Variants in ACSF2 observed in about 807,000 individuals in gnomAD.
The protein encoded by ACSF2 is medium-chain acyl-CoA ligase ACSF2, mitochondrial.
In ACSF2, 52 loss-of-function variants were observed where a neutral mutation model predicts 79.3. The ratio of observed to expected loss-of-function variants is 0.66; its 90% CI spans 0.53 to 0.83. The LOEUF (loss-of-function observed/expected upper bound fraction) is 0.83, where lower values mean the gene tolerates loss of function less well. ACSF2 is among the 40% of genes least tolerant of loss of function. The pLI, the probability that ACSF2 is intolerant of heterozygous loss-of-function variation, is 0.00. For missense variants in ACSF2, 661 were observed against 803.3 expected (o/e 0.82, Z 2.14); for synonymous variants, 283 against 312.6 (o/e 0.91, Z 1.00).
intron 1 of ACSF2, among the ~76,000 whole-genome samples, chr17:50,447,520 C>T (rs2031380371): frequency 6.6e-6 from 1 of 151,426 alleles, no homozygotes; most frequent in Admixed American, 6.6e-5. Flanking sequence ...CCAGCCTGGG[C>T]CACAGAGTGA....
intron 1 of ACSF2, chr17:50,460,324 C>T: frequency 2.1e-6 from 1 of 472,204 alleles, no homozygotes; most frequent in Non-Finnish European, 4.2e-6. Flanking sequence ...GTTTATTCTC[C>T]AGGAGGCAGG....
At chr17:50,442,836 A>G (rs2031030660) in intron 1 of ACSF2, among the ~76,000 whole-genome samples, 1 of 151,828 alleles carries the variant, frequency 6.6e-6, no homozygotes, top group African/African-American at 2.4e-5. Flanking sequence ...TCTCTTACTC[A>G]TAGGAATAAT....
At chr17:50,465,670 A>G in intron 10 of ACSF2, 1 of 1,610,548 alleles carries the variant, frequency 6.2e-7, no homozygotes, top group African/African-American at 1.3e-5. Flanking sequence ...CTATCACATG[A>G]GGGTGGGCTC....
intron 1 of ACSF2, among the ~76,000 whole-genome samples, chr17:50,445,278 T>C (rs1213655365): frequency 1.3e-5 from 2 of 152,130 alleles, no homozygotes; most frequent in Non-Finnish European, 2.9e-5. Context: ...CTTTTTCATC[T>C]CAGTGTTCTC....
intron 10 of ACSF2, chr17:50,470,240 C>T (rs545740774): frequency 1.3e-5 from 2 of 152,390 alleles, no homozygotes; most frequent in African/African-American, 4.8e-5. Context: ...GGCCTGGTTT[C>T]CAGGGCCTGC....
chr17:50,473,782 A>T lies in ACSF2; in HGVS notation c.1593A>T (p.Thr531=), dbSNP rs1466844089. 1.2e-6 allele frequency: 2 copies of T among 1,614,202 alleles called. No individual in the cohort carries two copies. The highest frequency in any genetic ancestry group is 1.1e-5 in the South Asian group (1 of 91,084). ...YPAELEDFFH[T]HPKVQEVQVV... is the part of the protein sequence containing the mutation. ...CAGAGCTCGAGGACTTCTTTCACAC[A>T]CACCCGAAGGTGCAGGAAGTGCAGG... Residue 531 remains threonine (T), a synonymous_variant, in exon 13 of 16, where the codon ACA becomes ACT. Transcript: ENST00000300441.
chr17:50,458,614 T>C (rs1316711689), intron 1 of ACSF2, among the ~76,000 whole-genome samples: 1 of 152,224 alleles, frequency 6.6e-6, no homozygotes, highest in Admixed American at 6.5e-5. Context: ...TTGACTGCAC[T>C]CCTGTCTTTC....
chr17:50,427,070 C>A, intron 1 of ACSF2: 2 of 1,357,676 alleles, frequency 1.5e-6, no homozygotes, highest in South Asian at 1.3e-5. Context: ...AGAGAGCAGG[C>A]TGCCACTCAT....
Position 50,471,347 on chromosome 17 carries a change from G to C in ACSF2, c.1323+212G>C, listed in dbSNP as rs548703778. 1 of 548,264 alleles carries C rather than the reference G, an allele frequency of 1.8e-6. No individual in the cohort carries two copies. Among genetic ancestry groups the C allele is most frequent in the African/African-American group, 1.9e-5 (1 of 52,716 alleles). 34.0% of individuals were successfully genotyped at this position (548,264 alleles called of 1,614,324 possible). A position where few individuals can be genotyped will look rare whatever the true frequency, so the allele number is the denominator to read the frequency against. On this transcript the variant is annotated intron_variant, in intron 11 of 15. Transcript: ENST00000300441. The surrounding 1 kb of genome is among the most constrained non-coding windows in gnomAD (Gnocchi z 4.1). Reference sequence around the variant, plus strand: ...AAGAGCTGGAACAGTGGCTGTGAGCGGCTGCCAGCTGAACTTCTCCGCGGC... The same window carrying C: ...AAGAGCTGGAACAGTGGCTGTGAGCCGCTGCCAGCTGAACTTCTCCGCGGC...
chr17:50,458,211 G>C (rs1162266766), intron 1 of ACSF2, among the ~76,000 whole-genome samples: 1 of 152,042 alleles, frequency 6.6e-6, no homozygotes, highest in African/African-American at 2.4e-5. Flanking sequence ...AAATGATGTG[G>C]GTCCACTTGG....
intron 1 of ACSF2, among the ~76,000 whole-genome samples, chr17:50,438,609 C>T (rs933011257): frequency 6.6e-5 from 10 of 152,020 alleles, no homozygotes; most frequent in Non-Finnish European, 1.2e-4. Context: ...CTCTGTCACC[C>T]AGGCTGGAGT....
intron 1 of ACSF2, among the ~76,000 whole-genome samples, chr17:50,457,977 A>C (rs138531453): frequency 9.8e-5 from 15 of 152,312 alleles, no homozygotes; most frequent in Middle Eastern, 6.8e-3. Context: ...GAAGCTCTGC[A>C]ATGAGTAGGC....
intron 1 of ACSF2, among the ~76,000 whole-genome samples, chr17:50,442,350 G>T (rs62062128): frequency 0.15 from 20,338 of 139,440 alleles, 2,427 homozygotes; most frequent in East Asian, 0.7. Flanking sequence ...TTTTTGTAGA[G>T]ACTGGGTCTG....
rs111276495 is a variant in ACSF2 at position 50,470,681 on chromosome 17, G to A, written c.1216-347G>A. 3.8e-3 allele frequency among the ~76,000 whole-genome samples: 573 copies of A among 152,184 alleles called. 2 individuals carry two copies. Among genetic ancestry groups the A allele is most frequent in the South Asian group, 7.3e-3 (35 of 4,806 alleles). ...AGGAAGGTGGGGTTAAGGCAGCCAG[G>A]GGATGGGGGGAGAAGTGTGGGGTGT... On this transcript the variant is annotated intron_variant, in intron 10 of 15. Transcript: ENST00000300441.
At chr17:50,467,906 A>T in intron 10 of ACSF2, 1 of 843,076 alleles carries the variant, frequency 1.2e-6, no homozygotes, top group South Asian at 1.9e-5. Context: ...GAGGTGGCAG[A>T]GCTGCTCACC....
In ACSF2 at chr17:50,471,053, G is replaced by C; in HGVS notation, c.1241G>C (p.Ser414Thr). ...LVVAYGTTEN[S>T]PVTFAHFPED... ...GTTGCTTATGGAACCACAGAGAACA[G>C]TCCCGTGACATTCGCGCACTTCCCT... The change falls in exon 11 of 16, where the codon AGT becomes ACT. Residue 414 changes from serine to threonine, a missense_variant. Transcript: ENST00000300441. This position sits in a 1 kb window ranked among gnomAD's most constrained non-coding sequence, Gnocchi z 4.1. 6.2e-7 allele frequency: 1 copy of C among 1,614,090 alleles called. No individual in the cohort carries two copies. Among genetic ancestry groups the C allele is most frequent in the Non-Finnish European group, 8.5e-7 (1 of 1,180,012 alleles).
At chr17:50,459,229 G>A (rs570509333) in intron 1 of ACSF2, among the ~76,000 whole-genome samples, 54 of 152,210 alleles carry the variant, frequency 3.5e-4, no homozygotes, top group Non-Finnish European at 5.7e-4. Context: ...AACTTGCCAG[G>A]TCCCACTGGG....
At position 50,463,880 on chromosome 17, in the gene ACSF2, C is replaced by T. The variant is rs1400532823; in HGVS notation, c.1109C>T (p.Ser370Phe). The T allele has an allele frequency of 1.2e-6, 2 of 1,614,076 alleles. No individual in the cohort carries two copies. Among genetic ancestry groups the T allele is most frequent in the Non-Finnish European group, 1.7e-6 (2 of 1,180,046 alleles). Residue 370 changes from serine (S) to phenylalanine (F), a missense_variant, in exon 9 of 16, where the codon TCC becomes TTC. Coordinates refer to ENST00000300441, the MANE Select transcript of ACSF2 (RefSeq NM_025149.6). This position sits in a 1 kb window ranked among gnomAD's most constrained non-coding sequence, Gnocchi z 4.6. Reference sequence around the variant, plus strand: ...GACATTCTGAACCAGCCAGACTTCTCCAGTTATGACATCTCGACCATGTGT... The same window carrying T: ...GACATTCTGAACCAGCCAGACTTCTTCAGTTATGACATCTCGACCATGTGT... The part of the protein sequence containing the change: ...FVDILNQPDF[S>F]SYDISTMCGG...
intron 1 of ACSF2, among the ~76,000 whole-genome samples, chr17:50,448,960 G>A (rs910130859): frequency 3.4e-5 from 5 of 146,210 alleles, no homozygotes; most frequent in Admixed American, 6.9e-5. Context: ...CACAAACTAT[G>A]TATGTATTTG....
Sources: allele counts gnomAD v4.1 joint callset (sites outside exome capture counted in the v4.1 genomes callset), GRCh38; gene constraint gnomAD v4.1.1; non-coding constraint Gnocchi (gnomAD v3.1); transcripts MANE v1.5; gene names NCBI Gene and HGNC (gene_info 2026-07-23, HGNC 2026-07-21).